Variants in STAMBP observed in about 807,000 individuals in gnomAD.
The protein encoded by STAMBP is STAM-binding protein.
In STAMBP, 31 loss-of-function variants were observed where a neutral mutation model predicts 50.7. The ratio of observed to expected loss-of-function variants is 0.61; its 90% CI spans 0.46 to 0.83. The LOEUF (loss-of-function observed/expected upper bound fraction) is 0.83, where lower values mean the gene tolerates loss of function less well. STAMBP is among the 40% of genes least tolerant of loss of function. STAMBP has a pLI of 0.00. For synonymous variants in STAMBP, 211 were observed against 192.4 expected, an observed-to-expected ratio of 1.10 and a Z score of -0.80; for missense variants, 472 against 518.9, an observed-to-expected ratio of 0.91 and a Z score of 0.88.
intron 7 of STAMBP, among the ~76,000 whole-genome samples, chr2:73,856,663 T>G (rs924455532): frequency 1.3e-5 from 2 of 152,228 alleles, no homozygotes; most frequent in Non-Finnish European, 2.9e-5. Flanking sequence ...TTAACACCTT[T>G]GATTCCATGG....
chr2:73,847,081 C>CAAAAA (rs10685610), intron 4 of STAMBP, among the ~76,000 whole-genome samples: 7 of 96,246 alleles, frequency 7.3e-5, no homozygotes, highest in Admixed American at 1.1e-4. Flanking sequence ...GACCCTGTCT[C>CAAAAA]AAAAAAAAAA....
At chr2:73,857,971 T>C (rs1378643229) in intron 7 of STAMBP, among the ~76,000 whole-genome samples, 2 of 151,948 alleles carry the variant, frequency 1.3e-5, no homozygotes, top group Non-Finnish European at 2.9e-5. Context: ...AATAATTGTT[T>C]ATACTCCTTA....
intron 7 of STAMBP, among the ~76,000 whole-genome samples, chr2:73,858,263 C>T (rs1039311305): frequency 1.4e-4 from 21 of 148,486 alleles, no homozygotes; most frequent in Admixed American, 1.2e-3. Context: ...CTCAGCCTCC[C>T]GAATAGCTGA....
At position 73,849,391 on chromosome 2, in the gene STAMBP, G is replaced by C. The variant is rs758876229; in HGVS notation, c.771G>C (p.Val257=). ...CCACAATCGATGGATTGCGCCATGT[G>C]GTGGTGCCTGGGCGGCTGTGCCCAC... ...SIPTIDGLRH[V]VVPGRLCPQF... Residue 257 remains valine (V), a synonymous_variant, in exon 6 of 10, where the codon GTG becomes GTC. Transcript: ENST00000394070. The C allele has an allele frequency of 1.2e-6, 2 of 1,614,074 alleles. No individual in the cohort carries two copies. Among genetic ancestry groups the C allele is most frequent in the South Asian group, 2.2e-5 (2 of 91,082 alleles).
chr2:73,860,586 A>G, intron 9 of STAMBP: 1 of 983,298 alleles, frequency 1.0e-6, no homozygotes, highest in Non-Finnish European at 1.2e-6. Context: ...GCCACTTCAG[A>G]TAGGTAAATT....
At position 73,844,841 on chromosome 2, in the gene STAMBP, C is replaced by A. The variant is rs1174684647; in HGVS notation, c.232C>A (p.Arg78=). The change falls in exon 3 of 10, where the codon CGA becomes AGA. Residue 78 remains arginine (R), a synonymous_variant. Coordinates refer to ENST00000394070, the MANE Select transcript of STAMBP (RefSeq NM_213622.4). ...TLFIEKLPKH[R]DYKSAVIPEK... ...CTTTATTGAGAAACTACCAAAACAT[C>A]GAGATTACAAATCTGCTGTCATTCC... The A allele has an allele frequency of 6.2e-7, 1 of 1,613,818 alleles. No individual in the cohort carries two copies. The highest frequency in any genetic ancestry group is 1.3e-5 in the African/African-American group (1 of 74,882).
At chr2:73,831,246 A>G in intron 2 of STAMBP, among the ~76,000 whole-genome samples, 187 bp downstream of exon 2, 1 of 152,258 alleles carries the variant, frequency 6.6e-6, no homozygotes, top group East Asian at 1.9e-4. Context: ...TTCATGACTC[A>G]GTAATTTATG....
intron 7 of STAMBP, among the ~76,000 whole-genome samples, chr2:73,852,718 C>T (rs1253605923): frequency 6.6e-6 from 1 of 152,110 alleles, no homozygotes; most frequent in Non-Finnish European, 1.5e-5. Context: ...CTCACACTGT[C>T]GCCCAGGTTG....
At chr2:73,860,879 G>C (rs1678250413) in intron 9 of STAMBP, among the ~76,000 whole-genome samples, 1 of 152,160 alleles carries the variant, frequency 6.6e-6, no homozygotes, top group African/African-American at 2.4e-5. Context: ...GAAACCCCAG[G>C]AAGGATCTGA....
At position 73,857,928 on chromosome 2, in the gene STAMBP, T is replaced by C. The variant is rs1445579719; in HGVS notation, c.1006-1326T>C. Among the ~76,000 whole-genome samples, 3 of 152,252 alleles carry C rather than the reference T, an allele frequency of 2.0e-5. No individual in the cohort carries two copies. In the East Asian group the frequency reaches 5.8e-4, roughly 29 times the overall value. ...TTCATCCCCTTCCCCTCTCTCATTG[T>C]ATCCTTCACCACAGACAGCTCTTCC... On this transcript the variant is annotated intron_variant, in intron 7 of 9. Transcript: ENST00000394070.
At chr2:73,839,665 A>T (rs567838510) in intron 2 of STAMBP, among the ~76,000 whole-genome samples, 123 of 152,308 alleles carry the variant, frequency 8.1e-4, no homozygotes, top group African/African-American at 2.5e-3. Flanking sequence ...GATTTAAAAA[A>T]TTTTTCAAAC....
intron 7 of STAMBP, among the ~76,000 whole-genome samples, chr2:73,858,159 ATTTTTTTT>A (rs35630978): frequency 1.5e-5 from 1 of 68,346 alleles, no homozygotes; most frequent in African/African-American, 6.0e-5. Context: ...ATTGTTTTGT[ATTTTTTTT>A]TTTTTTTTTT....
Position 73,859,339 on chromosome 2 carries a change from C to G in STAMBP, c.1091C>G (p.Ala364Gly). Residue 364 changes from alanine (A) to glycine (G), a missense_variant, in exon 8 of 10, where the codon GCC (alanine) becomes GGC (glycine). Coordinates refer to ENST00000394070, the MANE Select transcript of STAMBP (RefSeq NM_213622.4). Reference sequence around the variant, plus strand: ...CAGATGATGTTGCCAGAGTCAGTAGCCATTGTTTGCTCCCCCAAGTTCCAG... The same window carrying G: ...CAGATGATGTTGCCAGAGTCAGTAGGCATTGTTTGCTCCCCCAAGTTCCAG... ...SYQMMLPESV[A>G]IVCSPKFQET... 6.2e-7 allele frequency: 1 copy of G among 1,614,136 alleles called. No individual in the cohort carries two copies.
chr2:73,834,444 A>G (rs1674482349), intron 2 of STAMBP, among the ~76,000 whole-genome samples: 1 of 151,542 alleles, frequency 6.6e-6, no homozygotes, highest in Non-Finnish European at 1.5e-5. Flanking sequence ...AATGTTATTA[A>G]GAAAATCATA....
intron 9 of STAMBP, chr2:73,860,414 A>G: frequency 1.8e-6 from 1 of 566,374 alleles, no homozygotes; most frequent in South Asian, 3.9e-5. Context: ...AGGCATAATA[A>G]TAACACCTAC....
rs10685610 is a variant in STAMBP at position 73,847,081 on chromosome 2, CA to C, written c.376-289del. Among the ~76,000 whole-genome samples, 879 of 96,138 alleles carry C rather than the reference CA, an allele frequency of 9.1e-3. 2 individuals carry two copies. The highest frequency in any genetic ancestry group is 0.016 in the African/African-American group (433 of 26,984). 63.1% of individuals were successfully genotyped at this position (96,138 alleles called of 152,430 possible). On this transcript the variant is annotated intron_variant, in intron 4 of 9. Coordinates refer to ENST00000394070, the MANE Select transcript of STAMBP (RefSeq NM_213622.4). ...TGGGAAACAGAATGAGACCCTGTCT[CA>C]AAAAAAAAAAAAAAAAGATTTCAGT... is the stretch of plus-strand genomic sequence containing the variant.
chr2:73,863,099 C>G lies in STAMBP; in HGVS notation c.*840C>G, dbSNP rs1489003013. ...TGAAGTCATCTCTGTTCTTTTGGTGCTGTCTCAAATGGGTCAACCATTCAC... is the reference window on the plus strand; with the variant it reads ...TGAAGTCATCTCTGTTCTTTTGGTGGTGTCTCAAATGGGTCAACCATTCAC... On this transcript the variant is annotated 3_prime_UTR_variant, in exon 10 of 10. Transcript: ENST00000394070. 6.6e-6 allele frequency: 1 copy of G among 152,176 alleles called. No individual in the cohort carries two copies. The highest frequency in any genetic ancestry group is 2.4e-5 in the African/African-American group (1 of 41,446). The allele number at this position is 152,176 out of a possible 1,614,324, so 9.4% of individuals were successfully genotyped here. A position where few individuals can be genotyped will look rare whatever the true frequency, so the allele number is the denominator to read the frequency against.
intron 2 of STAMBP, among the ~76,000 whole-genome samples, chr2:73,832,638 C>T (rs971148636): frequency 6.6e-6 from 1 of 152,156 alleles, no homozygotes; most frequent in Admixed American, 6.5e-5. Flanking sequence ...CAGGGCTTTT[C>T]AACTTTGGCC....
At position 73,865,815 on chromosome 2, in the gene STAMBP, A is replaced by C. The variant is rs1678830959; in HGVS notation, c.*3556A>C. On this transcript the variant is annotated 3_prime_UTR_variant, in exon 10 of 10. Coordinates refer to ENST00000394070, the MANE Select transcript of STAMBP (RefSeq NM_213622.4). ...CTGGACCTCTGCCCATTCAGCATAC[A>C]GCTAGAGGAATCTTTGGGCAGATCC... 6.6e-6 allele frequency: 1 copy of C among 152,206 alleles called. No individual in the cohort carries two copies. Among genetic ancestry groups the C allele is most frequent in the Non-Finnish European group, 1.5e-5 (1 of 68,046 alleles). 9.4% of individuals were successfully genotyped at this position (152,206 alleles called of 1,614,324 possible).
Sources: gnomAD v4.1 joint callset for allele counts (sites outside exome capture counted in the v4.1 genomes callset) on GRCh38, gnomAD v4.1.1 for gene constraint, MANE v1.5 for transcripts, NCBI Gene and HGNC (gene_info 2026-07-23, HGNC 2026-07-21) for gene names.